Variants in OSBPL8 observed in about 807,000 individuals in gnomAD.
OSBPL8 encodes the protein oxysterol binding protein like 8.
In OSBPL8, 59 loss-of-function variants were observed where a neutral mutation model predicts 125.5. That is an observed-to-expected ratio of 0.47 (90% CI 0.38 to 0.58). The LOEUF is 0.58. Ranked by LOEUF, OSBPL8 falls within the 20% of genes least tolerant of loss-of-function variation. The probability of loss-of-function intolerance (pLI) is 0.00; values close to 1 mark genes in which losing one functional copy is unlikely to be tolerated. For missense variants in OSBPL8, 758 were observed against 1,047.8 expected (o/e 0.72, Z 3.82); for synonymous variants, 330 against 338.9 (o/e 0.97, Z 0.29).
At chr12:76,442,198 A>C (rs755537959) in intron 4 of OSBPL8, among the ~76,000 whole-genome samples, 12 of 152,190 alleles carry the variant, frequency 7.9e-5, no homozygotes, top group Admixed American at 4.6e-4. Flanking sequence ...TATCTTTGTA[A>C]AGATGCTTAA....
At chr12:76,438,884 T>C (rs947401231) in intron 4 of OSBPL8, among the ~76,000 whole-genome samples, 1 of 152,240 alleles carries the variant, frequency 6.6e-6, no homozygotes, top group African/African-American at 2.4e-5. Flanking sequence ...CTTCTGCGTC[T>C]AGGTTCATGA....
intron 16 of OSBPL8, among the ~76,000 whole-genome samples, chr12:76,377,192 T>A (rs954879583): frequency 7.2e-5 from 11 of 152,030 alleles, no homozygotes; most frequent in African/African-American, 2.7e-4. Context: ...GCATTTGGGT[T>A]GGTCCCAAGT....
chr12:76,545,522 C>T (rs1377004580), intron 1 of OSBPL8, among the ~76,000 whole-genome samples: 1 of 152,146 alleles, frequency 6.6e-6, no homozygotes, highest in Non-Finnish European at 1.5e-5. Context: ...ACAGTTAATT[C>T]AAGACAGTCT....
chr12:76,380,528 CAAAAAAAA>C lies in OSBPL8; in HGVS notation c.1631-1986_1631-1979del, dbSNP rs3038514. ...CCAGCAACATAGTGAGACACTGTCC[CAAAAAAAA>C]AAAAAAAAAAACCCTCTGCAAGTAT... On this transcript the variant is annotated intron_variant, in intron 15 of 23. Transcript: ENST00000261183. Among the ~76,000 whole-genome samples, 7 of 89,264 alleles carry C rather than the reference CAAAAAAAA, an allele frequency of 7.8e-5. No individual in the cohort carries two copies. The East Asian group carries it at 1.7e-3, about 21-fold the overall frequency. The allele number at this position is 89,264 out of a possible 152,430, so 58.6% of individuals were successfully genotyped here. A position where few individuals can be genotyped will look rare whatever the true frequency, so the allele number is the denominator to read the frequency against.
At chr12:76,413,030 T>C (rs547271214) in intron 4 of OSBPL8, among the ~76,000 whole-genome samples, 24 of 152,314 alleles carry the variant, frequency 1.6e-4, no homozygotes, top group South Asian at 6.2e-4. Flanking sequence ...CTGAAAAGGG[T>C]CTAATCTTTG....
At chr12:76,513,029 G>A (rs1185542799) in intron 1 of OSBPL8, among the ~76,000 whole-genome samples, 1 of 152,136 alleles carries the variant, frequency 6.6e-6, no homozygotes, top group African/African-American at 2.4e-5. Flanking sequence ...TATTGGTTTT[G>A]CATCCTTAAA....
chr12:76,552,898 C>T (rs1950984743), intron 1 of OSBPL8, among the ~76,000 whole-genome samples: 1 of 152,196 alleles, frequency 6.6e-6, no homozygotes, highest in Admixed American at 6.5e-5. Context: ...AAAGCACCTA[C>T]ATCTTGCAAA....
intron 1 of OSBPL8, among the ~76,000 whole-genome samples, chr12:76,551,660 T>C (rs555988497): frequency 9.9e-4 from 151 of 152,274 alleles, no homozygotes; most frequent in African/African-American, 3.5e-3. Flanking sequence ...CTCACAGGCC[T>C]CTAAGGTTTG....
At chr12:76,409,592 T>C (rs1239727231) in intron 5 of OSBPL8, among the ~76,000 whole-genome samples, 8 of 152,174 alleles carry the variant, frequency 5.3e-5, no homozygotes, top group African/African-American at 1.7e-4. Context: ...GAAAGAAATA[T>C]TTTCTCCCAT....
chr12:76,505,660 G>T (rs570777015), intron 1 of OSBPL8, among the ~76,000 whole-genome samples: 1 of 152,070 alleles, frequency 6.6e-6, no homozygotes, highest in Admixed American at 6.5e-5. Context: ...ACATGAGGGG[G>T]TGAGCAATTC....
chr12:76,415,368 C>T (rs1403834411), intron 4 of OSBPL8, among the ~76,000 whole-genome samples: 1 of 151,996 alleles, frequency 6.6e-6, no homozygotes, highest in East Asian at 1.9e-4. Flanking sequence ...CTGCCTCAGC[C>T]TCCTGAGTAG....
intron 1 of OSBPL8, among the ~76,000 whole-genome samples, chr12:76,549,921 CAAAAA>C (rs746849865): frequency 6.8e-6 from 1 of 146,262 alleles, no homozygotes; most frequent in Non-Finnish European, 1.5e-5. Context: ...CAAGCAGATG[CAAAAA>C]AAAAAAAGGA....
At chr12:76,552,627 T>C (rs888772781) in intron 1 of OSBPL8, among the ~76,000 whole-genome samples, 4 of 152,046 alleles carry the variant, frequency 2.6e-5, no homozygotes, top group Non-Finnish European at 4.4e-5. Context: ...TGTGAGAACA[T>C]CCAGATCTCT....
chr12:76,455,484 A>G (rs969853414), intron 3 of OSBPL8, among the ~76,000 whole-genome samples: 4 of 152,256 alleles, frequency 2.6e-5, no homozygotes, highest in Non-Finnish European at 4.4e-5. Flanking sequence ...TGTCTTGAAT[A>G]ACTTTAAAAC....
At chr12:76,445,074 C>T (rs1872593531) in intron 4 of OSBPL8, among the ~76,000 whole-genome samples, 1 of 152,092 alleles carries the variant, frequency 6.6e-6, no homozygotes, top group African/African-American at 2.4e-5. Flanking sequence ...ATCATAATCT[C>T]ACCAAAGTAT....
intron 16 of OSBPL8, among the ~76,000 whole-genome samples, chr12:76,377,472 C>G (rs1190693053): frequency 2.6e-5 from 4 of 152,152 alleles, no homozygotes; most frequent in Admixed American, 2.0e-4. Context: ...ACCATTCTAA[C>G]TGGCATGAGA....
chr12:76,420,254 G>A (rs1173747336), intron 4 of OSBPL8, among the ~76,000 whole-genome samples: 2 of 152,040 alleles, frequency 1.3e-5, no homozygotes, highest in Non-Finnish European at 2.9e-5. Context: ...AAAAAAATCT[G>A]AGAAGTCAAA....
intron 1 of OSBPL8, among the ~76,000 whole-genome samples, chr12:76,520,593 G>A (rs1048134709): frequency 2.6e-5 from 4 of 152,086 alleles, no homozygotes; most frequent in Non-Finnish European, 2.9e-5. Flanking sequence ...GCCAAACAAA[G>A]TATGGCAAGA....
intron 2 of OSBPL8, among the ~76,000 whole-genome samples, chr12:76,482,067 A>G (rs1464658526): frequency 6.6e-6 from 1 of 152,218 alleles, no homozygotes; most frequent in Non-Finnish European, 1.5e-5. Context: ...TTGCTGAACT[A>G]AATCATTTTT....
Sources: gnomAD v4.1 joint callset for allele counts (sites outside exome capture counted in the v4.1 genomes callset) on GRCh38, gnomAD v4.1.1 for gene constraint, MANE v1.5 for transcripts, NCBI Gene and HGNC (gene_info 2026-07-23, HGNC 2026-07-21) for gene names.